The following MAP3K19 variants were observed in gnomAD, a reference collection of about 807,000 sequenced individuals.
MAP3K19 encodes SPS1/STE20-related protein kinase YSK4.
MAP3K19 carries 91 observed loss-of-function variants against 114.4 expected under a neutral mutation model. That is an observed-to-expected ratio of 0.80 (90% CI 0.67 to 0.95). The LOEUF is 0.95. Among genes scored for constraint, MAP3K19 ranks in the 40% least tolerant of loss-of-function variants. MAP3K19 has a pLI of 0.00. For synonymous variants in MAP3K19, 518 were observed against 530.5 expected (o/e 0.98, Z 0.32); for missense variants, 1,471 against 1,573.2 (o/e 0.94, Z 1.10).
chr2:134,983,312 C>A (rs1412228671), intron 11 of MAP3K19: 1 of 548,832 alleles, frequency 1.8e-6, no homozygotes, highest in Middle Eastern at 3.1e-4. Context: ...GAAGATATTT[C>A]TTTCCCATTG....
At chr2:134,973,651 T>C (rs558858695) in intron 12 of MAP3K19, among the ~76,000 whole-genome samples, 45 of 151,836 alleles carry the variant, frequency 3.0e-4, no homozygotes, top group African/African-American at 1.1e-3. Context: ...GTTGGTTTGT[T>C]TGTTTGTTTG....
Position 135,033,600 on chromosome 2 carries a change from C to T in MAP3K19, c.-283-3100G>A, listed in dbSNP as rs1180010209. 2.6e-4 allele frequency among the ~76,000 whole-genome samples: 22 copies of T among 84,868 alleles called. 1 individual carries two copies. Among genetic ancestry groups the T allele is most frequent in the Non-Finnish European group, 3.3e-4 (16 of 48,296 alleles). 55.7% of individuals were successfully genotyped at this position (84,868 alleles called of 152,430 possible). A position where few individuals can be genotyped will look rare whatever the true frequency, so the allele number is the denominator to read the frequency against. ...CTGACCCCCCCACCGCCCTCCCAGA[C>T]GGGGCGGCTGGCCGGGCAGAGGGGC... is the stretch of plus-strand genomic sequence containing the variant. On this transcript the variant is annotated intron_variant, in intron 2 of 12. Coordinates refer to ENST00000392915, the MANE Select transcript of MAP3K19 (RefSeq NM_025052.5).
chr2:135,039,863 A>G (rs1688611977), intron 2 of MAP3K19, among the ~76,000 whole-genome samples: 1 of 152,214 alleles, frequency 6.6e-6, no homozygotes, highest in African/African-American at 2.4e-5. Context: ...TCTCCATTTA[A>G]TAAATATTTA....
chr2:135,026,868 G>C (rs1688268445), intron 3 of MAP3K19, among the ~76,000 whole-genome samples: 1 of 152,098 alleles, frequency 6.6e-6, no homozygotes, highest in Non-Finnish European at 1.5e-5. Context: ...ATGAAACAAA[G>C]AGCCAGATAT....
At chr2:135,027,367 G>A (rs1044952760) in intron 3 of MAP3K19, among the ~76,000 whole-genome samples, 4 of 137,822 alleles carry the variant, frequency 2.9e-5, no homozygotes, top group African/African-American at 8.4e-5. Flanking sequence ...GAAAGAAAGA[G>A]AGAGAGAAAG....
intron 12 of MAP3K19, among the ~76,000 whole-genome samples, chr2:134,973,884 C>G (rs1361997292): frequency 6.6e-6 from 1 of 152,148 alleles, no homozygotes; most frequent in African/African-American, 2.4e-5. Context: ...GATGAAGTCT[C>G]TCAGTTTTTG....
At chr2:134,971,051 G>T (rs1315876687) in intron 12 of MAP3K19, among the ~76,000 whole-genome samples, 1 of 152,112 alleles carries the variant, frequency 6.6e-6, no homozygotes, top group East Asian at 1.9e-4. Context: ...TGTTAGCTGT[G>T]GGTTTGTCAT....
chr2:134,985,148 A>G (rs1685004199), intron 10 of MAP3K19, among the ~76,000 whole-genome samples: 1 of 152,198 alleles, frequency 6.6e-6, no homozygotes, highest in South Asian at 2.1e-4. Context: ...ACTCCATGCC[A>G]ACTCTCATGC....
intron 5 of MAP3K19, among the ~76,000 whole-genome samples, chr2:135,009,607 A>G (rs1450734110): frequency 6.6e-6 from 1 of 152,182 alleles, no homozygotes; most frequent in Non-Finnish European, 1.5e-5. Context: ...GCTGTGGTCA[A>G]TCTCAGCTAC....
intron 12 of MAP3K19, among the ~76,000 whole-genome samples, chr2:134,971,605 A>G (rs1683886377): frequency 6.6e-6 from 1 of 152,018 alleles, no homozygotes; most frequent in Non-Finnish European, 1.5e-5. Context: ...CTTATTGCTC[A>G]TTATTGGTCT....
At chr2:135,032,103 A>AAAC (rs1447159566) in intron 2 of MAP3K19, among the ~76,000 whole-genome samples, 2 of 152,128 alleles carry the variant, frequency 1.3e-5, no homozygotes, top group Non-Finnish European at 1.5e-5. Flanking sequence ...CCACTTTGAA[A>AAAC]AACAGTCTAG....
rs1189912029 is a variant in MAP3K19 at position 134,985,949 on chromosome 2, C to T, written c.2923G>A (p.Ala975Thr). Reference protein sequence around the residue: ...LTDELLGCLAAELLALDEKDN... With the variant: ...LTDELLGCLATELLALDEKDN... ...TTCTCATCAAGAGCTAATAATTCTG[C>T]AGCTAGACAACCTAATAGTTCATCT... Residue 975 changes from alanine (A) to threonine (T), a missense_variant, in exon 10 of 13, where the codon GCA becomes ACA. By Grantham distance (58) the Ala-to-Thr change is moderately conservative. Transcript: ENST00000392915. 1.9e-6 allele frequency: 3 copies of T among 1,614,076 alleles called. No individual in the cohort carries two copies. Among genetic ancestry groups the T allele is most frequent in the South Asian group, 2.2e-5 (2 of 91,066 alleles).
chr2:135,041,172 C>T (rs1032636464), intron 1 of MAP3K19, among the ~76,000 whole-genome samples: 5 of 151,972 alleles, frequency 3.3e-5, no homozygotes, highest in Non-Finnish European at 2.9e-5. Context: ...CTTTTGTCTC[C>T]TCTGTGATTC....
At chr2:134,992,795 G>A (rs544799013) in intron 8 of MAP3K19, among the ~76,000 whole-genome samples, 22 of 151,848 alleles carry the variant, frequency 1.4e-4, no homozygotes, top group Non-Finnish European at 2.4e-4. Context: ...TCAGCCTCCC[G>A]AGAAGCTGGG....
intron 8 of MAP3K19, among the ~76,000 whole-genome samples, chr2:134,997,820 A>AAAAAAAAAAAAAAAAAAAAAAAAAAAAAC (rs61650738): frequency 1.3e-5 from 2 of 148,490 alleles, no homozygotes; most frequent in African/African-American, 5.0e-5. Context: ...TCCGTCTCAA[A>AAAAAAAAAAAAAAAAAAAAAAAAAAAAAC]AAAAAAAAAA....
intron 2 of MAP3K19, among the ~76,000 whole-genome samples, chr2:135,033,489 G>A (rs1249645149): frequency 1.7e-5 from 2 of 118,520 alleles, no homozygotes; most frequent in Non-Finnish European, 3.3e-5. Context: ...CGGCTGGCCG[G>A]GCAGAGGGGC....
intron 12 of MAP3K19, among the ~76,000 whole-genome samples, chr2:134,969,429 T>C (rs1171662773): frequency 6.6e-6 from 1 of 151,858 alleles, no homozygotes; most frequent in African/African-American, 2.4e-5. Context: ...TTTTTAATAG[T>C]AGTCATTTTA....
chr2:135,002,280 A>T (rs1432672100), intron 6 of MAP3K19, among the ~76,000 whole-genome samples: 2 of 152,220 alleles, frequency 1.3e-5, no homozygotes, highest in Non-Finnish European at 2.9e-5. Flanking sequence ...CCAGTCAGAA[A>T]AATGATCATT....
intron 4 of MAP3K19, among the ~76,000 whole-genome samples, chr2:135,022,034 T>C (rs1473208934): frequency 6.8e-6 from 1 of 147,826 alleles, no homozygotes; most frequent in East Asian, 2.1e-4. Flanking sequence ...GATGGCTTAC[T>C]ATTTTTTTTT....
Sources: allele counts gnomAD v4.1 joint callset (sites outside exome capture counted in the v4.1 genomes callset), GRCh38; gene constraint gnomAD v4.1.1; transcripts MANE v1.5; gene names NCBI Gene and HGNC (gene_info 2026-07-23, HGNC 2026-07-21).